Variants in THBS2 observed in about 807,000 individuals in gnomAD.
THBS2 encodes thrombospondin 2.
Under a neutral mutation model 135.2 loss-of-function variants are expected in THBS2, and 47 were observed. The ratio of observed to expected loss-of-function variants is 0.35; its 90% CI spans 0.28 to 0.44. The LOEUF is 0.44. Among genes scored for constraint, THBS2 ranks in the 20% least tolerant of loss-of-function variants. The pLI, the probability that THBS2 is intolerant of heterozygous loss-of-function variation, is 1.00. For synonymous variants in THBS2, 639 were observed against 633.8 expected (o/e 1.01, Z -0.12); for missense variants, 1,288 against 1,603.1 (o/e 0.80, Z 3.36).
intron 10 of THBS2, among the ~76,000 whole-genome samples, chr6:169,234,335 ACAC>A (rs57614746): frequency 0.33 from 48,529 of 145,654 alleles, 9,505 homozygotes; most frequent in East Asian, 0.49. Context: ...AACTACCCAC[ACAC>A]CACATTCCAC....
Position 169,241,021 on chromosome 6 carries a change from C to G in THBS2, c.892-429G>C, listed in dbSNP as rs1170810425. 6.7e-6 allele frequency among the ~76,000 whole-genome samples: 1 copy of G among 149,536 alleles called. No homozygotes were observed. Among genetic ancestry groups the G allele is most frequent in the Non-Finnish European group, 1.5e-5 (1 of 67,806 alleles). On this transcript the variant is annotated intron_variant, in intron 5 of 21. Coordinates refer to ENST00000617924, the MANE Select transcript of THBS2 (RefSeq NM_003247.5). This position sits in a 1 kb window ranked among gnomAD's most constrained non-coding sequence, Gnocchi z 5.5. ...GCCCCGGTCTCCTGCCATCGACCCC[C>G]TCCCTGCCCCAGGCTCCTGCCCTCG...
At chr6:169,232,278 C>T in intron 12 of THBS2, 80 bp from the exon 13 acceptor site, 1 of 1,475,390 alleles carries the variant, frequency 6.8e-7, no homozygotes, top group Non-Finnish European at 9.3e-7. Flanking sequence ...TCGGGCACCG[C>T]AGGCCCCAGC....
Position 169,236,211 on chromosome 6 carries a change from C to T in THBS2, c.1477+959G>A, listed in dbSNP as rs545130923. Among the ~76,000 whole-genome samples, 8 of 119,792 alleles carry T rather than the reference C, an allele frequency of 6.7e-5. No homozygotes were observed. In the East Asian group the frequency reaches 2.1e-3, roughly 32 times the overall value. The allele number at this position is 119,792 out of a possible 152,430, so 78.6% of individuals were successfully genotyped here. A position where few individuals can be genotyped will look rare whatever the true frequency, so the allele number is the denominator to read the frequency against. On this transcript the variant is annotated intron_variant, in intron 9 of 21. Coordinates refer to ENST00000617924, the MANE Select transcript of THBS2 (RefSeq NM_003247.5). Reference sequence around the variant, plus strand: ...ATCCACACTCATTGCCCCATAAACACCATCCACACTCACTCCCCATCCACA... The same window carrying T: ...ATCCACACTCATTGCCCCATAAACATCATCCACACTCACTCCCCATCCACA...
At position 169,220,293 on chromosome 6, in the gene THBS2, G is replaced by A. The variant is rs1779375837; in HGVS notation, c.3416C>T (p.Pro1139Leu). Residue 1139 changes from proline to leucine, a missense_variant, in exon 21 of 22, where the codon CCT (proline) becomes CTT (leucine). Pro to Leu is a moderately conservative substitution (Grantham distance 98). Transcript: ENST00000617924. ...GCCAGCGTAGGTTTGGTCATAGATA[G>A]GTCCTGAGTCTGCCATGACCTGTTT... is the stretch of plus-strand genomic sequence containing the variant. ...EGKQVMADSG[P>L]IYDQTYAGGR... is the part of the protein sequence containing the mutation. The A allele has an allele frequency of 6.2e-7, 1 of 1,613,804 alleles. No individual in the cohort carries two copies. Among genetic ancestry groups the A allele is most frequent in the Non-Finnish European group, 8.5e-7 (1 of 1,179,846 alleles).
At chr6:169,242,618 C>T (rs1421655057) in intron 4 of THBS2, among the ~76,000 whole-genome samples, 16 of 57,010 alleles carry the variant, frequency 2.8e-4, no homozygotes, top group South Asian at 7.7e-4. Context: ...CTTCCCACCG[C>T]TCCCACCTTC....
intron 17 of THBS2, among the ~76,000 whole-genome samples, chr6:169,224,408 G>A (rs919078320): frequency 6.6e-6 from 1 of 152,198 alleles, no homozygotes; most frequent in African/African-American, 2.4e-5. Context: ...ATGCTGCTCG[G>A]GGAGAACACA....
intron 4 of THBS2, among the ~76,000 whole-genome samples, chr6:169,245,717 A>C (rs1012785197): frequency 2.0e-5 from 3 of 149,606 alleles, no homozygotes; most frequent in Non-Finnish European, 4.4e-5. Context: ...GCGTGAACCC[A>C]GGAGGCAGAG....
chr6:169,227,264 C>T (rs1779665172), intron 15 of THBS2, among the ~76,000 whole-genome samples: 1 of 152,096 alleles, frequency 6.6e-6, no homozygotes, highest in Non-Finnish European at 1.5e-5. Context: ...CGAGCCTGCC[C>T]CCAGCTCTTG....
intron 7 of THBS2, among the ~76,000 whole-genome samples, chr6:169,238,285 T>G (rs1451565318): frequency 6.6e-6 from 1 of 152,162 alleles, no homozygotes; most frequent in African/African-American, 2.4e-5. Flanking sequence ...TGAAACAAGC[T>G]AATAAAAAGG....
chr6:169,222,304 G>A lies in THBS2; in HGVS notation c.3166C>T (p.Arg1056Trp), dbSNP rs141219768. The A allele has an allele frequency of 8.7e-5, 141 of 1,613,348 alleles. No homozygotes were observed. In the African/African-American group the frequency reaches 1.3e-3, roughly 15 times the overall value. ...GACACGCCGGAGTAGCCATAGGCCC[G>A]CGTGGGCTGGTCCTCCCAGTAGGTC... ...TQTYWEDQPTRAYGYSGVSLK... is the reference protein window; with the variant it reads ...TQTYWEDQPTWAYGYSGVSLK... The change falls in exon 19 of 22, where the codon CGG becomes TGG. Residue 1056 changes from arginine to tryptophan, a missense_variant. By Grantham distance (101) the Arg-to-Trp change is moderately radical (BLOSUM62 -3). Around this residue, in one of 2 missense-constraint regions of THBS2, gnomAD observed 874 missense variants for 1,156.1 expected, o/e 0.76. Coordinates refer to ENST00000617924, the MANE Select transcript of THBS2 (RefSeq NM_003247.5).
chr6:169,226,061 C>A, intron 16 of THBS2, 119 bp downstream of exon 16: 4 of 1,129,836 alleles, frequency 3.5e-6, no homozygotes, highest in Non-Finnish European at 5.1e-6. Context: ...CCATGGCTGC[C>A]CTCATCTGGT....
At chr6:169,232,583 CCTT>C in intron 12 of THBS2, 78 bp downstream of exon 12, 1 of 1,529,130 alleles carries the variant, frequency 6.5e-7, no homozygotes, top group East Asian at 2.3e-5. Flanking sequence ...CCCTTCCTCT[CCTT>C]CCTCCTGCTG....
intron 13 of THBS2, 99 bp downstream of exon 13, chr6:169,231,881 C>G: frequency 2.3e-6 from 3 of 1,318,676 alleles, no homozygotes; most frequent in Non-Finnish European, 2.0e-6. Context: ...CTTCCAAATT[C>G]CCTGTGCTGC....
At chr6:169,238,102 G>A (rs114450037) in intron 7 of THBS2, among the ~76,000 whole-genome samples, 5 of 152,312 alleles carry the variant, frequency 3.3e-5, no homozygotes, top group African/African-American at 7.2e-5. Context: ...TCTCTTAATC[G>A]ATTTTATAAA....
In THBS2 at chr6:169,217,334, A is replaced by G. The variant is rs1132755; in HGVS notation, c.*488T>C. 32,822 of 154,510 alleles carry G rather than the reference A, an allele frequency of 0.21. 3,576 individuals carry two copies. The highest frequency in any genetic ancestry group is 0.25 in the Middle Eastern group (78 of 306). The allele number at this position is 154,510 out of a possible 1,614,324, so 9.6% of individuals were successfully genotyped here. A position where few individuals can be genotyped will look rare whatever the true frequency, so the allele number is the denominator to read the frequency against. ...TTGACCCTTGTTTATAATTTATTTAATGGGATTTGTGTGTCATTGTAGAGC... is the reference window on the plus strand; with the variant it reads ...TTGACCCTTGTTTATAATTTATTTAGTGGGATTTGTGTGTCATTGTAGAGC... On this transcript the variant is annotated 3_prime_UTR_variant, in exon 22 of 22. Transcript: ENST00000617924.
Position 169,246,884 on chromosome 6 carries a change from G to A in THBS2, c.610-603C>T, listed in dbSNP as rs374963164. Among the ~76,000 whole-genome samples the A allele has an allele frequency of 1.8e-4, 28 of 152,296 alleles. No individual in the cohort carries two copies. The East Asian group carries it at 2.3e-3, about 13-fold the overall frequency. ...CTTATTTCCAAGGCCCTACACGTCC[G>A]GGAGGGAGCAATGTACCATACACCA... is the stretch of plus-strand genomic sequence containing the variant. On this transcript the variant is annotated intron_variant, in intron 3 of 21. Transcript: ENST00000617924.
chr6:169,234,574 G>A, intron 10 of THBS2, 160 bp downstream of exon 10: 2 of 774,076 alleles, frequency 2.6e-6, no homozygotes, highest in East Asian at 3.1e-5. Context: ...TAGAAATACA[G>A]GAGGACTGAA....
At position 169,228,269 on chromosome 6, in the gene THBS2, G is replaced by A; in HGVS notation, c.2272C>T (p.Leu758Phe). 1 of 1,614,154 alleles carries A rather than the reference G, an allele frequency of 6.2e-7. No homozygotes were observed. Among genetic ancestry groups the A allele is most frequent in the Non-Finnish European group, 8.5e-7 (1 of 1,180,024 alleles). ...GVTDEKDNCQ[L>F]LFNPRQADYD... ...TCAGCCTGGCGGGGATTGAAGAGGA[G>A]CTGGCAGTTGTCCTGGAAAACCAAG... Residue 758 changes from leucine to phenylalanine, a missense_variant, in exon 15 of 22, where the codon CTC (leucine) becomes TTC (phenylalanine). Physicochemically the swap from Leu to Phe is conservative, Grantham distance 22 (BLOSUM62 0). This residue lies in a region of THBS2 where 874 missense variants were observed against 1,156.1 expected (regional missense o/e 0.76). Transcript: ENST00000617924.
At chr6:169,226,335 AC>A (rs1465538838) in intron 15 of THBS2, 37 bp from the exon 16 acceptor site, 23 of 1,523,336 alleles carry the variant, frequency 1.5e-5, no homozygotes, top group Non-Finnish European at 2.0e-5. Flanking sequence ...ACAAAAACAA[AC>A]CAGAAGGACA....
Sources: allele counts gnomAD v4.1 joint callset (sites outside exome capture counted in the v4.1 genomes callset), GRCh38; gene constraint gnomAD v4.1.1; regional missense constraint gnomAD v4.1.1; non-coding constraint Gnocchi (gnomAD v3.1); transcripts MANE v1.5; gene names NCBI Gene and HGNC (gene_info 2026-07-23, HGNC 2026-07-21).